The following SLC22A3 variants were observed in gnomAD, a reference collection of about 807,000 sequenced individuals.
SLC22A3 encodes solute carrier family 22 member 3, also known as EMT organic cation transporter 3.
Under a neutral mutation model 59.1 loss-of-function variants are expected in SLC22A3, and 51 were observed. The observed-to-expected ratio is 0.86, with a 90% CI of 0.69 to 1.09. The LOEUF is 1.09. Among genes scored for constraint, SLC22A3 ranks in the 50% least tolerant of loss-of-function variants. The pLI, the probability that SLC22A3 is intolerant of heterozygous loss-of-function variation, is 0.00. For missense variants in SLC22A3, 711 were observed against 726.3 expected (o/e 0.98, Z 0.24); for synonymous variants, 325 against 292.0 (o/e 1.11, Z -1.15).
chr6:160,368,327 G>A (rs983816058), intron 1 of SLC22A3, among the ~76,000 whole-genome samples: 1 of 152,108 alleles, frequency 6.6e-6, no homozygotes, highest in Admixed American at 6.6e-5. Flanking sequence ...GCCCCCTGTT[G>A]AAAGCTTATT....
At chr6:160,365,272 A>G (rs1044524112) in intron 1 of SLC22A3, among the ~76,000 whole-genome samples, 4 of 152,192 alleles carry the variant, frequency 2.6e-5, no homozygotes, top group Non-Finnish European at 4.4e-5. Context: ...GATGGAATTG[A>G]GGCTGGGAGC....
chr6:160,360,906 A>G (rs1236026861), intron 1 of SLC22A3, among the ~76,000 whole-genome samples: 1 of 152,210 alleles, frequency 6.6e-6, no homozygotes. Context: ...GAGTCATTCT[A>G]ATATTTATAT....
intron 1 of SLC22A3, among the ~76,000 whole-genome samples, chr6:160,391,222 G>A (rs1021198505): frequency 2.6e-4 from 40 of 152,186 alleles, no homozygotes; most frequent in African/African-American, 8.2e-4. Context: ...TATAAAATAC[G>A]CTGAAATTAA....
intron 7 of SLC22A3, among the ~76,000 whole-genome samples, chr6:160,439,385 A>AAGATGCAT (rs1323742751): frequency 6.6e-6 from 1 of 152,158 alleles, no homozygotes; most frequent in Non-Finnish European, 1.5e-5. Flanking sequence ...TGCAGCGAGA[A>AAGATGCAT]AGATGCATGC....
chr6:160,435,906 A>C (rs758199121), intron 5 of SLC22A3, among the ~76,000 whole-genome samples: 8 of 152,006 alleles, frequency 5.3e-5, no homozygotes, highest in Non-Finnish European at 1.2e-4. Context: ...GTGACAATGC[A>C]CTCCCGCCTT....
chr6:160,394,767 G>A (rs1562482665), intron 1 of SLC22A3, among the ~76,000 whole-genome samples: 1 of 151,856 alleles, frequency 6.6e-6, no homozygotes, highest in Non-Finnish European at 1.5e-5. Context: ...AGGAAGGACA[G>A]TTCCTGCAGT....
chr6:160,404,978 G>GA (rs937229365), intron 2 of SLC22A3, among the ~76,000 whole-genome samples: 1 of 150,896 alleles, frequency 6.6e-6, no homozygotes, highest in Non-Finnish European at 1.5e-5. Context: ...GATGGGATAG[G>GA]AAAAAAATCT....
rs374409484 is a variant in SLC22A3, at chr6:160,447,692, C to T, written c.1511-27C>T. ...AGGGCCCAGCTGTGTCTTCCTGGAG[C>T]GGTAACACCTTTCCCCTATTCCATA... On this transcript the variant is annotated intron_variant, in intron 9 of 10. Transcript: ENST00000275300. 107 of 1,592,432 alleles carry T rather than the reference C, an allele frequency of 6.7e-5. No homozygotes were observed. The African/African-American group carries it at 1.1e-3, about 16-fold the overall frequency.
chr6:160,348,383 G>C lies in SLC22A3; in HGVS notation c.-37G>C, dbSNP rs548661161. On this transcript the variant is annotated 5_prime_UTR_variant, in exon 1 of 11. Transcript: ENST00000275300. ...GCCGGCTGGGTCCGCGGGTCACTCC[G>C]AGGCGCGGGCTGCGGGCGGCGGGCG... 7.0e-7 allele frequency: 1 copy of C among 1,423,942 alleles called. No individual in the cohort carries two copies. Among genetic ancestry groups the C allele is most frequent in the Admixed American group, 2.8e-5 (1 of 35,620 alleles). 88.2% of individuals were successfully genotyped at this position (1,423,942 alleles called of 1,614,324 possible).
chr6:160,410,052 T>C (rs1408802966), intron 4 of SLC22A3, among the ~76,000 whole-genome samples: 2 of 152,244 alleles, frequency 1.3e-5, no homozygotes, highest in Non-Finnish European at 2.9e-5. Flanking sequence ...AGTCTCACTC[T>C]GTTGCCCAGG....
At chr6:160,429,602 G>A (rs1788078399) in intron 5 of SLC22A3, among the ~76,000 whole-genome samples, 1 of 152,204 alleles carries the variant, frequency 6.6e-6, no homozygotes, top group Non-Finnish European at 1.5e-5. Flanking sequence ...TCCTGGGGAT[G>A]CAGTTAAAAT....
Position 160,407,053 on chromosome 6 carries a change from C to A in SLC22A3, c.546C>A (p.Ile182=). The change falls in exon 3 of 11, where the codon ATC becomes ATA. Residue 182 remains isoleucine, a synonymous_variant. Transcript: ENST00000275300. ...CTTTCTCAAAAAGGTATGGCAGGAT[C>A]GTCATTTACTTGCTATCCTGCCTTG... ...LGYAADRYGR[I]VIYLLSCLGV... is the part of the protein sequence containing the mutation. The A allele has an allele frequency of 1.2e-6, 2 of 1,612,932 alleles. No homozygotes were observed. Among genetic ancestry groups the A allele is most frequent in the Non-Finnish European group, 1.7e-6 (2 of 1,179,448 alleles).
chr6:160,349,018 C>T (rs1583432162), intron 1 of SLC22A3, 170 bp downstream of exon 1: 1 of 985,452 alleles, frequency 1.0e-6, no homozygotes, highest in East Asian at 1.1e-4. Flanking sequence ...AGTGCCGCGT[C>T]GTAAATGCTG....
At chr6:160,363,837 C>G (rs1785108899) in intron 1 of SLC22A3, among the ~76,000 whole-genome samples, 2 of 152,036 alleles carry the variant, frequency 1.3e-5, no homozygotes, top group Admixed American at 6.6e-5. Context: ...TCCTTGATGA[C>G]TGTTCAGCAT....
At chr6:160,368,128 T>A (rs1785271956) in intron 1 of SLC22A3, among the ~76,000 whole-genome samples, 1 of 151,938 alleles carries the variant, frequency 6.6e-6, no homozygotes, top group African/African-American at 2.4e-5. Flanking sequence ...TCTGCCAACT[T>A]CCAACCTGCC....
At chr6:160,395,354 C>T (rs1329117009) in intron 1 of SLC22A3, among the ~76,000 whole-genome samples, 3 of 152,150 alleles carry the variant, frequency 2.0e-5, no homozygotes, top group Non-Finnish European at 2.9e-5. Flanking sequence ...ATGTCATCTA[C>T]GAAAAGCACT....
chr6:160,369,020 G>A (rs1408194723), intron 1 of SLC22A3, among the ~76,000 whole-genome samples: 1 of 152,190 alleles, frequency 6.6e-6, no homozygotes, highest in Non-Finnish European at 1.5e-5. Context: ...TCTGTAGAAA[G>A]CATTCTATTT....
chr6:160,387,040 C>T (rs549803882), intron 1 of SLC22A3, among the ~76,000 whole-genome samples: 53 of 152,280 alleles, frequency 3.5e-4, no homozygotes, highest in East Asian at 7.7e-4. Context: ...GTGACTCATG[C>T]GCATGGCATC....
At chr6:160,357,203 G>T (rs1252974700) in intron 1 of SLC22A3, among the ~76,000 whole-genome samples, 1 of 152,196 alleles carries the variant, frequency 6.6e-6, no homozygotes, top group Non-Finnish European at 1.5e-5. Context: ...AGTCCTGGGA[G>T]AGCAGGTGAC....
Sources: gnomAD v4.1 joint callset for allele counts (sites outside exome capture counted in the v4.1 genomes callset) on GRCh38, gnomAD v4.1.1 for gene constraint, MANE v1.5 for transcripts, NCBI Gene and HGNC (gene_info 2026-07-23, HGNC 2026-07-21) for gene names.